SLC28A1: variants seen among roughly 807,000 people sequenced by gnomAD.
The protein encoded by SLC28A1 is sodium/nucleoside cotransporter 1.
In SLC28A1, 64 loss-of-function variants were observed where a neutral mutation model predicts 74.8. The observed-to-expected ratio is 0.86, with a 90% CI of 0.70 to 1.05. The LOEUF is 1.05. Among genes scored for constraint, SLC28A1 ranks in the 50% least tolerant of loss-of-function variants. SLC28A1 has a pLI of 0.00. For synonymous variants in SLC28A1, 359 were observed against 335.0 expected (o/e 1.07, Z -0.78); for missense variants, 828 against 822.8 (o/e 1.01, Z -0.08).
rs1462412966 is a variant in SLC28A1, at chr15:84,918,508, A to T, written c.796-16A>T. The T allele has an allele frequency of 3.1e-6, 5 of 1,610,006 alleles. No individual in the cohort carries two copies. In the South Asian group the frequency reaches 5.5e-5, roughly 18 times the overall value. On this transcript the variant is annotated splice_polypyrimidine_tract_variant and intron_variant, in intron 9 of 18. Transcript: ENST00000394573. ...CCTGCCTCTAACCTGCGGTCCTATG[A>T]TCTCCTTCCCGGCAGGTTCTGCCCA...
chr15:84,910,985 T>A (rs1357550936), intron 9 of SLC28A1, among the ~76,000 whole-genome samples: 2 of 152,152 alleles, frequency 1.3e-5, no homozygotes, highest in African/African-American at 4.8e-5. Flanking sequence ...GAGGTGAGAA[T>A]GTGCTGGCGT....
intron 1 of SLC28A1, 21 bp from the exon 2 acceptor site, chr15:84,886,651 C>G (rs1430968258): frequency 4.1e-6 from 4 of 985,400 alleles, no homozygotes. Flanking sequence ...CCAACCTACT[C>G]CGACCCTGGA....
At chr15:84,938,550 T>C (rs1293639801) in intron 15 of SLC28A1, 2 of 152,182 alleles carry the variant, frequency 1.3e-5, no homozygotes, top group East Asian at 1.9e-4. Context: ...ATGAACTTCA[T>C]TCCTTCAGCA....
the SLC28A1 span, among the ~76,000 whole-genome samples, chr15:84,966,346 T>C: frequency 6.6e-6 from 1 of 152,104 alleles, no homozygotes; most frequent in African/African-American, 2.4e-5. Flanking sequence ...GGATTACAGG[T>C]GTGAGCCACT....
At chr15:84,972,086 G>T in the SLC28A1 span, among the ~76,000 whole-genome samples, 1 of 152,220 alleles carries the variant, frequency 6.6e-6, no homozygotes, top group African/African-American at 2.4e-5. Flanking sequence ...TGCTAGAGGG[G>T]CTGCCCCCAC....
At chr15:84,959,603 T>C in the SLC28A1 span, among the ~76,000 whole-genome samples, 3 of 152,344 alleles carry the variant, frequency 2.0e-5, no homozygotes, top group African/African-American at 7.2e-5. Flanking sequence ...TCTTCCAACT[T>C]TTCTATCAAC....
chr15:84,900,016 G>GCAGT, intron 6 of SLC28A1, among the ~76,000 whole-genome samples: 1 of 148,974 alleles, frequency 6.7e-6, no homozygotes, highest in East Asian at 2.0e-4. Context: ...AGGCAGGCAG[G>GCAGT]CAGGCAAGCA....
chr15:84,918,500 G>T, intron 9 of SLC28A1, 24 bp from the exon 10 acceptor site: 1 of 1,604,872 alleles, frequency 6.2e-7, no homozygotes, highest in East Asian at 2.2e-5. Context: ...CTAACCTGCG[G>T]TCCTATGATC....
downstream of SLC28A1, among the ~76,000 whole-genome samples, chr15:84,946,518 A>G (rs1045272091): frequency 6.6e-6 from 1 of 152,038 alleles, no homozygotes; most frequent in African/African-American, 2.4e-5. Context: ...GCCTAAAGGG[A>G]CAGAGCTGGG....
At chr15:84,888,967 T>G (rs1964947969) in intron 4 of SLC28A1, 107 bp downstream of exon 4, 1 of 786,564 alleles carries the variant, frequency 1.3e-6, no homozygotes, top group African/African-American at 1.7e-5. Context: ...GACGTGAACC[T>G]TTGTTGAAGG....
chr15:84,952,505 C>G, the SLC28A1 span, among the ~76,000 whole-genome samples: 1 of 152,192 alleles, frequency 6.6e-6, no homozygotes, highest in Non-Finnish European at 1.5e-5. Context: ...GGAGATGCCA[C>G]CACGCAGGTT....
At chr15:84,970,514 G>A in the SLC28A1 span, among the ~76,000 whole-genome samples, 1 of 152,204 alleles carries the variant, frequency 6.6e-6, no homozygotes, top group Admixed American at 6.5e-5. Flanking sequence ...AAAACGAACT[G>A]TGTCTTTTAC....
At chr15:84,962,169 A>G in the SLC28A1 span, among the ~76,000 whole-genome samples, 13,635 of 151,382 alleles carry the variant, frequency 0.09, 779 homozygotes, top group African/African-American at 0.16. Flanking sequence ...CCAACTCCTG[A>G]GCTCAGGTGA....
chr15:84,914,584 C>T (rs144434041), intron 9 of SLC28A1, among the ~76,000 whole-genome samples: 10 of 152,274 alleles, frequency 6.6e-5, no homozygotes, highest in Non-Finnish European at 1.3e-4. Flanking sequence ...TGTGAAGTGG[C>T]GACAGTTACA....
chr15:84,913,120 G>T (rs1968585872), intron 9 of SLC28A1, among the ~76,000 whole-genome samples: 1 of 152,178 alleles, frequency 6.6e-6, no homozygotes, highest in Non-Finnish European at 1.5e-5. Context: ...CTAGGTTACA[G>T]CCAGAAATGC....
chr15:84,926,038 A>G (rs1196696024), intron 12 of SLC28A1, among the ~76,000 whole-genome samples: 4 of 147,890 alleles, frequency 2.7e-5, no homozygotes. Context: ...TATTCTATAT[A>G]TAATATTTTG....
At chr15:84,911,311 C>T (rs879215007) in intron 9 of SLC28A1, among the ~76,000 whole-genome samples, 6 of 152,160 alleles carry the variant, frequency 3.9e-5, no homozygotes, top group Non-Finnish European at 7.3e-5. Context: ...ATTCCTTGAC[C>T]ATTGGTACCA....
At chr15:84,957,604 C>T in the SLC28A1 span, among the ~76,000 whole-genome samples, 19 of 152,038 alleles carry the variant, frequency 1.2e-4, no homozygotes, top group African/African-American at 7.2e-5. Flanking sequence ...GTTTTGGCAC[C>T]GTTGTCAAAA....
intron 10 of SLC28A1, among the ~76,000 whole-genome samples, chr15:84,919,296 C>T (rs1028842674): frequency 1.3e-5 from 2 of 152,196 alleles, no homozygotes; most frequent in African/African-American, 4.8e-5. Context: ...CAACAGATAG[C>T]ATTGGACTTG....
Sources: gnomAD v4.1 joint callset for allele counts (sites outside exome capture counted in the v4.1 genomes callset) on GRCh38, gnomAD v4.1.1 for gene constraint, MANE v1.5 for transcripts, NCBI Gene and HGNC (gene_info 2026-07-23, HGNC 2026-07-21) for gene names.